HSPH1: variants seen among roughly 807,000 people sequenced by gnomAD.
The protein encoded by HSPH1 is heat shock protein family H (Hsp110) member 1.
Under a neutral mutation model 100.0 loss-of-function variants are expected in HSPH1, and 40 were observed. That is an observed-to-expected ratio of 0.40 (90% confidence interval 0.31 to 0.52). The LOEUF (loss-of-function observed/expected upper bound fraction) is 0.52, where lower values mean the gene tolerates loss of function less well. Among genes scored for constraint, HSPH1 ranks in the 20% least tolerant of loss-of-function variants. HSPH1 has a pLI of 0.54. For missense variants in HSPH1, 876 were observed against 1,015.1 expected, an observed-to-expected ratio of 0.86 and a Z score of 1.86; for synonymous variants, 403 against 344.0, an observed-to-expected ratio of 1.17 and a Z score of -1.90.
At chr13:31,153,748 A>G (rs188338428) in intron 4 of HSPH1, among the ~76,000 whole-genome samples, 33 of 152,180 alleles carry the variant, frequency 2.2e-4, no homozygotes, top group Admixed American at 1.4e-3. Context: ...AGACATGAGC[A>G]AGAGCAAAGG....
At chr13:31,155,459 G>T (rs1364763024) in intron 3 of HSPH1, 55 bp downstream of exon 3, 5 of 1,382,352 alleles carry the variant, frequency 3.6e-6, no homozygotes, top group Non-Finnish European at 5.0e-6. Context: ...AAATAAGTTC[G>T]TATTTTTAAG....
intron 14 of HSPH1, 102 bp downstream of exon 14, chr13:31,140,082 T>TAA (rs1446953383): frequency 1.7e-6 from 2 of 1,164,926 alleles, no homozygotes; most frequent in Non-Finnish European, 2.4e-6. Flanking sequence ...CTAAAAAGTT[T>TAA]AAGTTACATA....
chr13:31,142,332 T>G (rs376850589), intron 12 of HSPH1, among the ~76,000 whole-genome samples: 25 of 152,104 alleles, frequency 1.6e-4, no homozygotes, highest in African/African-American at 6.0e-4. Flanking sequence ...GATCTCAGTG[T>G]TCCTTAGAAA....
chr13:31,146,492 T>C (rs192861438), intron 10 of HSPH1, among the ~76,000 whole-genome samples: 1 of 152,290 alleles, frequency 6.6e-6, no homozygotes, highest in African/African-American at 2.4e-5. Flanking sequence ...AGGAAGATGA[T>C]AGCAAGCACA....
At chr13:31,159,656 C>T (rs1332925795) in intron 1 of HSPH1, among the ~76,000 whole-genome samples, 2 of 152,068 alleles carry the variant, frequency 1.3e-5, no homozygotes, top group African/African-American at 4.8e-5. Flanking sequence ...TTCTGGATTA[C>T]TAATTCAAAT....
chr13:31,144,031 C>T, intron 11 of HSPH1, 108 bp from the exon 12 acceptor site: 1 of 961,356 alleles, frequency 1.0e-6, no homozygotes, highest in Non-Finnish European at 1.4e-6. Context: ...GAAATCTTAA[C>T]AGGTGGGGAG....
intron 14 of HSPH1, among the ~76,000 whole-genome samples, chr13:31,139,442 T>C (rs116133551): frequency 9.7e-4 from 148 of 152,116 alleles, no homozygotes; most frequent in African/African-American, 3.3e-3. Context: ...ACTGAACACA[T>C]GAAAAAATCA....
Position 31,137,083 on chromosome 13 carries a change from G to T in HSPH1, c.*235C>A, listed in dbSNP as rs575828134. On this transcript the variant is annotated 3_prime_UTR_variant, in exon 18 of 18. Transcript: ENST00000320027. Reference sequence around the variant, plus strand: ...GTGATGCAAATGGTGAGACTGCACAGAAAGCTTAGTATGAATTCACAATTC... The same window carrying T: ...GTGATGCAAATGGTGAGACTGCACATAAAGCTTAGTATGAATTCACAATTC... 1.5e-6 allele frequency: 1 copy of T among 678,068 alleles called. No homozygotes were observed. Among genetic ancestry groups the T allele is most frequent in the Non-Finnish European group, 2.8e-6 (1 of 360,546 alleles). 42.0% of individuals were successfully genotyped at this position (678,068 alleles called of 1,614,324 possible).
intron 1 of HSPH1, among the ~76,000 whole-genome samples, chr13:31,160,983 A>G (rs1413344463): frequency 6.6e-6 from 1 of 152,234 alleles, no homozygotes; most frequent in Non-Finnish European, 1.5e-5. Flanking sequence ...CGAGATTCAC[A>G]ATGCGGAAGA....
In HSPH1 at chr13:31,154,693, A is replaced by C; in HGVS notation, c.369T>G (p.Thr123=). The part of the protein sequence containing the change: ...SVEQITAMLL[T]KLKETAENSL... ...TGTTTTCAGCAGTTTCCTTCAGCTT[A>C]GTCAACAACATGGCTGTTATCTGCT... is the stretch of plus-strand genomic sequence containing the variant. Residue 123 remains threonine (T), a synonymous_variant, in exon 4 of 18, where the codon ACT becomes ACG. Transcript: ENST00000320027. 6.2e-7 allele frequency: 1 copy of C among 1,613,886 alleles called. No homozygotes were observed. The highest frequency in any genetic ancestry group is 2.2e-5 in the East Asian group (1 of 44,856).
intron 5 of HSPH1, 46 bp downstream of exon 5, chr13:31,152,806 T>C (rs771852542): frequency 2.0e-4 from 244 of 1,231,442 alleles, no homozygotes; most frequent in Non-Finnish European, 2.8e-4. Flanking sequence ...AGAACATCTT[T>C]AGTTCTGATA....
At chr13:31,139,745 C>T (rs906291127) in intron 14 of HSPH1, among the ~76,000 whole-genome samples, 35 of 151,972 alleles carry the variant, frequency 2.3e-4, no homozygotes, top group African/African-American at 7.7e-4. Flanking sequence ...TACTCACAGC[C>T]ATACTAACTG....
At position 31,150,229 on chromosome 13, in the gene HSPH1, T is replaced by C. The variant is rs1020840108; in HGVS notation, c.909-47A>G. On this transcript the variant is annotated intron_variant, in intron 7 of 17. Transcript: ENST00000320027. ...TTTAGAAAAGTTAAGACCAATATCCTGTCCTACTTTTGACAACCCAATGAA... is the reference window on the plus strand; with the variant it reads ...TTTAGAAAAGTTAAGACCAATATCCCGTCCTACTTTTGACAACCCAATGAA... 15 of 1,321,210 alleles carry C rather than the reference T, an allele frequency of 1.1e-5. No homozygotes were observed. In the Admixed American group the frequency reaches 2.4e-4, roughly 21 times the overall value. 81.8% of individuals were successfully genotyped at this position (1,321,210 alleles called of 1,614,324 possible).
At chr13:31,156,951 G>A (rs1194963564) in intron 2 of HSPH1, among the ~76,000 whole-genome samples, 2 of 151,914 alleles carry the variant, frequency 1.3e-5, no homozygotes, top group Non-Finnish European at 2.9e-5. Flanking sequence ...TTCACTCAAG[G>A]GTACCTCATT....
chr13:31,137,314 T>A lies in HSPH1; in HGVS notation c.*4A>T. The A allele has an allele frequency of 6.3e-7, 1 of 1,577,728 alleles. No homozygotes were observed. Among genetic ancestry groups the A allele is most frequent in the Non-Finnish European group, 8.7e-7 (1 of 1,151,506 alleles). On this transcript the variant is annotated 3_prime_UTR_variant, in exon 18 of 18. Coordinates refer to ENST00000320027, the MANE Select transcript of HSPH1 (RefSeq NM_006644.4). ...ATTGAAGGAATAGGCCAATTTAAGG[T>A]TATCTAGTCCAAGTCCATATTAACA...
chr13:31,149,949 A>T lies in HSPH1; in HGVS notation c.1137+5T>A. 6.2e-7 allele frequency: 1 copy of T among 1,608,832 alleles called. No individual in the cohort carries two copies. The highest frequency in any genetic ancestry group is 8.5e-7 in the Non-Finnish European group (1 of 1,175,296). On this transcript the variant is annotated splice_donor_5th_base_variant and intron_variant, in intron 8 of 17. Coordinates refer to ENST00000320027, the MANE Select transcript of HSPH1 (RefSeq NM_006644.4). The stretch of plus-strand genomic sequence containing the variant: ...CACCAAGCAAAAGCAGAGTTGAGAA[A>T]GTACCTGTAATGCACATCCTCTGGC...
rs1332061850 is a variant in HSPH1, at chr13:31,135,242, G to A, written c.*2076C>T. The A allele has an allele frequency of 6.6e-6, 1 of 152,150 alleles. No homozygotes were observed. The highest frequency in any genetic ancestry group is 6.5e-5 in the Admixed American group (1 of 15,278). The allele number at this position is 152,150 out of a possible 1,614,324, so 9.4% of individuals were successfully genotyped here. A position where few individuals can be genotyped will look rare whatever the true frequency, so the allele number is the denominator to read the frequency against. ...GACTGATGCTCCCTCCCGTCATCAG[G>A]TTCTATTTTAGGACAGGAGGAAAAA... On this transcript the variant is annotated 3_prime_UTR_variant, in exon 18 of 18. Coordinates refer to ENST00000320027, the MANE Select transcript of HSPH1 (RefSeq NM_006644.4).
At chr13:31,162,030 C>G (rs985647143), upstream of HSPH1, 1 of 1,536,032 alleles carries the variant, frequency 6.5e-7, no homozygotes, top group Admixed American at 2.0e-5. Flanking sequence ...TCCTTCTTCT[C>G]GAGCCTTCTG....
At chr13:31,152,087 C>CA (rs1213071645) in intron 5 of HSPH1, 2 of 169,000 alleles carry the variant, frequency 1.2e-5, no homozygotes, top group Non-Finnish European at 2.5e-5. Context: ...ACCGCTTATC[C>CA]AAAAAAATTA....
Sources: gnomAD v4.1 joint callset for allele counts (sites outside exome capture counted in the v4.1 genomes callset) on GRCh38, gnomAD v4.1.1 for gene constraint, MANE v1.5 for transcripts, NCBI Gene and HGNC (gene_info 2026-07-23, HGNC 2026-07-21) for gene names.